Variants in LAMA5 observed in about 807,000 individuals in gnomAD.
LAMA5 encodes laminin subunit alpha-5.
A neutral mutation model predicts 433.4 loss-of-function variants in LAMA5; 260 were observed. The ratio of observed to expected loss-of-function variants is 0.60; its 90% confidence interval spans 0.54 to 0.66. LAMA5 has a LOEUF of 0.66. Among genes scored for constraint, LAMA5 ranks in the 30% least tolerant of loss-of-function variants. LAMA5 has a pLI of 0.00. For missense variants in LAMA5, 5,378 were observed against 5,258.5 expected (o/e 1.02, Z -0.70); for synonymous variants, 2,620 against 2,226.6 (o/e 1.18, Z -4.97).
intron 29 of LAMA5, 24 bp downstream of exon 29, chr20:62,331,008 C>A (rs577550296): frequency 3.8e-6 from 6 of 1,588,208 alleles, no homozygotes; most frequent in Non-Finnish European, 5.1e-6. Context: ...CCGCGCCCCT[C>A]CCAGCCCCAT....
Position 62,323,987 on chromosome 20 carries a change from G to A in LAMA5, c.5768+93C>T, listed in dbSNP as rs1476908073. 7 of 1,417,612 alleles carry A rather than the reference G, an allele frequency of 4.9e-6. No individual in the cohort carries two copies. In the African/African-American group the frequency reaches 7.2e-5, roughly 15 times the overall value. 87.8% of individuals were successfully genotyped at this position (1,417,612 alleles called of 1,614,324 possible). A position where few individuals can be genotyped will look rare whatever the true frequency, so the allele number is the denominator to read the frequency against. On this transcript the variant is annotated intron_variant, in intron 43 of 79. Coordinates refer to ENST00000252999, the MANE Select transcript of LAMA5 (RefSeq NM_005560.6). ...CCTCACGGACACCTCCAGCTGTCCA[G>A]GCCTCTGCAGAGGGCAGTGGGAACC...
In LAMA5 at chr20:62,332,446, C is replaced by G; in HGVS notation, c.3478G>C (p.Asp1160His). 1.9e-6 allele frequency: 3 copies of G among 1,612,706 alleles called. No individual in the cohort carries two copies. The highest frequency in any genetic ancestry group is 1.7e-6 in the Non-Finnish European group (2 of 1,179,952). Residue 1160 changes from aspartate to histidine, a missense_variant, in exon 28 of 80, where the codon GAC (aspartate) becomes CAC (histidine). Coordinates refer to ENST00000252999, the MANE Select transcript of LAMA5 (RefSeq NM_005560.6). ...TCCAGGTGGAAGACAGCCAGGTGGTCCTGGGTATCCCGGGCAGTGCCCCGG... is the reference window on the plus strand; with the variant it reads ...TCCAGGTGGAAGACAGCCAGGTGGTGCTGGGTATCCCGGGCAGTGCCCCGG... ...LCRGTARDTQ[D>H]HLAVFHLDSE...
In LAMA5 at chr20:62,325,313, C is replaced by A; in HGVS notation, c.5529+3G>T. 1 of 1,573,164 alleles carries A rather than the reference C, an allele frequency of 6.4e-7. No homozygotes were observed. The highest frequency in any genetic ancestry group is 2.3e-5 in the East Asian group (1 of 44,268). ...TCGCAGTCTGGTGCTGTCCTAACCTCACCTGGCATGAGTCCCCCCGGTAGC... is the reference window on the plus strand; with the variant it reads ...TCGCAGTCTGGTGCTGTCCTAACCTAACCTGGCATGAGTCCCCCCGGTAGC... On this transcript the variant is annotated splice_donor_region_variant and intron_variant, in intron 41 of 79. Coordinates refer to ENST00000252999, the MANE Select transcript of LAMA5 (RefSeq NM_005560.6).
chr20:62,354,637 C>T (rs545481795), intron 2 of LAMA5, among the ~76,000 whole-genome samples: 32 of 152,110 alleles, frequency 2.1e-4, no homozygotes, highest in Non-Finnish European at 2.9e-4. Context: ...GGGGGGGTCC[C>T]GAGGCACACA....
intron 31 of LAMA5, 127 bp from the exon 32 acceptor site, chr20:62,330,043 C>T (rs1268638349): frequency 9.6e-6 from 13 of 1,358,984 alleles, no homozygotes; most frequent in Admixed American, 2.6e-5. Context: ...AGGCACGGGA[C>T]GTGCCCAAGA....
At position 62,336,330 on chromosome 20, in the gene LAMA5, G is replaced by A. The variant is rs565380820; in HGVS notation, c.2323+10C>T. 156 of 1,584,860 alleles carry A rather than the reference G, an allele frequency of 9.8e-5. 1 individual carries two copies. In the South Asian group the frequency reaches 1.5e-3, roughly 15 times the overall value. On this transcript the variant is annotated intron_variant, in intron 18 of 79. Transcript: ENST00000252999. ...AACCCCTGTACCCCAATACTCCAGG[G>A]CACACTCACGGGTACAGCCCTCGGG...
Position 62,311,162 on chromosome 20 carries a change from C to A in LAMA5, c.10088G>T (p.Trp3363Leu). 1 of 1,590,980 alleles carries A rather than the reference C, an allele frequency of 6.3e-7. No individual in the cohort carries two copies. Among genetic ancestry groups the A allele is most frequent in the Non-Finnish European group, 8.5e-7 (1 of 1,170,748 alleles). The change falls in exon 73 of 80, where the codon TGG becomes TTG. Residue 3363 changes from tryptophan to leucine, a missense_variant and splice_region_variant. Transcript: ENST00000252999. ...FVGILARHRN[W>L]PSLSMHVLPR... ...CCACCCCAGCCGGGCCTGGCCTTAC[C>A]AGTTCCTATGTCGGGCCAGGATGCC...
chr20:62,323,481 G>C lies in LAMA5; in HGVS notation c.6039C>G (p.Asn2013Lys), dbSNP rs376871508. 4 of 1,547,534 alleles carry C rather than the reference G, an allele frequency of 2.6e-6. No individual in the cohort carries two copies. The African/African-American group carries it at 5.4e-5, about 21-fold the overall frequency. The change falls in exon 45 of 80, where the codon AAC becomes AAG. Residue 2013 changes from asparagine (N) to lysine (K), a missense_variant. By Grantham distance (94) the Asn-to-Lys change is moderately conservative (BLOSUM62 0). Transcript: ENST00000252999. The part of the protein sequence containing the change: ...CEICAPGFYG[N>K]ALLPGNCTRC... ...GGGTGCAGTTGCCGGGCAGCAGGGC[G>C]TTGCCGTAGAAGCCGGGGGCACAGA...
intron 12 of LAMA5, 35 bp downstream of exon 12, chr20:62,338,433 C>T (rs768608888): frequency 5.6e-6 from 9 of 1,607,716 alleles, no homozygotes; most frequent in African/African-American, 2.7e-5. Flanking sequence ...CCACCTCGAG[C>T]GCAGGTAGAG....
chr20:62,364,971 C>T (rs979207768), intron 1 of LAMA5, among the ~76,000 whole-genome samples: 1 of 152,290 alleles, frequency 6.6e-6, no homozygotes, highest in Non-Finnish European at 1.5e-5. Flanking sequence ...CCACTCCAGA[C>T]CGGCCGGCAA....
At position 62,309,901 on chromosome 20, in the gene LAMA5, A is replaced by G. The variant is rs896517834; in HGVS notation, c.10829-66T>C. 8 of 1,605,978 alleles carry G rather than the reference A, an allele frequency of 5.0e-6. No homozygotes were observed. In the African/African-American group the frequency reaches 5.4e-5, roughly 11 times the overall value. On this transcript the variant is annotated intron_variant, in intron 78 of 79. Coordinates refer to ENST00000252999, the MANE Select transcript of LAMA5 (RefSeq NM_005560.6). ...CCCAGCCTCTCTCCAGCCCCAAAAG[A>G]AGCCACCCCACCCAGAGTCCCGCCT... is the stretch of plus-strand genomic sequence containing the variant.
rs916717456 is a variant in LAMA5 at position 62,362,394 on chromosome 20, C to T, written c.450+6G>A. 14 of 1,516,986 alleles carry T rather than the reference C, an allele frequency of 9.2e-6. No homozygotes were observed. The highest frequency in any genetic ancestry group is 2.8e-5 in the African/African-American group (2 of 71,884). 94.0% of individuals were successfully genotyped at this position (1,516,986 alleles called of 1,614,324 possible). A position where few individuals can be genotyped will look rare whatever the true frequency, so the allele number is the denominator to read the frequency against. On this transcript the variant is annotated splice_donor_region_variant and intron_variant, in intron 2 of 79. Transcript: ENST00000252999. ...GGGGCTGCAGCACGCAAAGAAGGGT[C>T]CCTACCTGGCCCAGGTCCAGGGTGA...
Position 62,338,302 on chromosome 20 carries a change from G to A in LAMA5, c.1686C>T (p.Cys562=). ...ATGTGGCCCCCTCGAAGCCCACTCGGCACCTGCACTGGCCTGTGTCAGGGT... is the reference window on the plus strand; with the variant it reads ...ATGTGGCCCCCTCGAAGCCCACTCGACACCTGCACTGGCCTGTGTCAGGGT... ...RCDPDTGQCR[C]RVGFEGATCD... is the part of the protein sequence containing the mutation. Residue 562 remains cysteine (C), a synonymous_variant, in exon 13 of 80, where the codon TGC becomes TGT. Coordinates refer to ENST00000252999, the MANE Select transcript of LAMA5 (RefSeq NM_005560.6). 6.2e-7 allele frequency: 1 copy of A among 1,604,698 alleles called. No homozygotes were observed.
Position 62,310,851 on chromosome 20 carries a change from G to A in LAMA5, c.10282-22C>T, listed in dbSNP as rs778276375. The A allele has an allele frequency of 1.2e-5, 19 of 1,595,100 alleles. No individual in the cohort carries two copies. The Admixed American group carries it at 3.1e-4, about 26-fold the overall frequency. On this transcript the variant is annotated intron_variant, in intron 74 of 79. Coordinates refer to ENST00000252999, the MANE Select transcript of LAMA5 (RefSeq NM_005560.6). Reference sequence around the variant, plus strand: ...AGACCTGGGGGCAGGAGATGGGTCAGGGTAGGGCTGCCAGGCCCTGCCCAC... The same window carrying A: ...AGACCTGGGGGCAGGAGATGGGTCAAGGTAGGGCTGCCAGGCCCTGCCCAC...
In LAMA5 at chr20:62,316,700, A is replaced by C. The variant is rs779763583; in HGVS notation, c.7727T>G (p.Met2576Arg). 1 of 1,607,710 alleles carries C rather than the reference A, an allele frequency of 6.2e-7. No individual in the cohort carries two copies. Among genetic ancestry groups the C allele is most frequent in the Non-Finnish European group, 8.5e-7 (1 of 1,176,724 alleles). Reference sequence around the variant, plus strand: ...GCCCAGCCTCTGCTGTTCCTGGAGCATGGCCTCTTCTAGTGCAGTGCTGTT... The same window carrying C: ...GCCCAGCCTCTGCTGTTCCTGGAGCCTGGCCTCTTCTAGTGCAGTGCTGTT... ...LANSTALEEA[M>R]LQEQQRLGLV... is the part of the protein sequence containing the mutation. Residue 2576 changes from methionine (M) to arginine (R), a missense_variant, in exon 57 of 80, where the codon ATG (methionine) becomes AGG (arginine). Coordinates refer to ENST00000252999, the MANE Select transcript of LAMA5 (RefSeq NM_005560.6).
intron 2 of LAMA5, among the ~76,000 whole-genome samples, chr20:62,355,660 GGCAGGGAGACATGCCCTGCCCA>G (rs962810294): frequency 6.6e-6 from 1 of 152,082 alleles, no homozygotes; most frequent in African/African-American, 2.4e-5. Flanking sequence ...GTGGGTGGGG[GGCAGGGAGACATGCCCTGCCCA>G]GCAGGGAGGG....
At chr20:62,332,266 C>T in intron 28 of LAMA5, 106 bp downstream of exon 28, 1 of 788,848 alleles carries the variant, frequency 1.3e-6, no homozygotes, top group Non-Finnish European at 2.2e-6. Flanking sequence ...GCGAGTGTGG[C>T]CGCCTTGGGG....
intron 22 of LAMA5, 40 bp from the exon 23 acceptor site, chr20:62,334,079 C>G: frequency 6.3e-7 from 1 of 1,596,222 alleles, no homozygotes; most frequent in Non-Finnish European, 8.6e-7. Flanking sequence ...TCCCTGACCA[C>G]TGCCAGCCTG....
rs1265151243 is a variant in LAMA5 at position 62,315,043 on chromosome 20, C to T, written c.8032G>A (p.Asp2678Asn). 6.3e-7 allele frequency: 1 copy of T among 1,595,384 alleles called. No homozygotes were observed. The highest frequency in any genetic ancestry group is 8.5e-7 in the Non-Finnish European group (1 of 1,177,046). Residue 2678 changes from aspartate to asparagine, a missense_variant, in exon 59 of 80, where the codon GAC becomes AAC. Coordinates refer to ENST00000252999, the MANE Select transcript of LAMA5 (RefSeq NM_005560.6). ...RGQDLGQAVL[D>N]AGHSVSTLEK... ...ATGGGCGCACCTGAGTGGCCTGCGT[C>T]AAGCACTGCCTGGCCCAGGTCCTGG...
Sources: allele counts gnomAD v4.1 joint callset (sites outside exome capture counted in the v4.1 genomes callset), GRCh38; gene constraint gnomAD v4.1.1; transcripts MANE v1.5; gene names NCBI Gene and HGNC (gene_info 2026-07-23, HGNC 2026-07-21).